Variants in NEO1 observed in about 807,000 individuals in gnomAD.
NEO1 encodes neogenin.
NEO1 carries 63 observed loss-of-function variants against 159.7 expected under a neutral mutation model. The ratio of observed to expected loss-of-function variants is 0.39; its 90% CI spans 0.32 to 0.49. The LOEUF is 0.49. Ranked by LOEUF, NEO1 falls within the 20% of genes least tolerant of loss-of-function variation. The pLI, the probability that NEO1 is intolerant of heterozygous loss-of-function variation, is 0.85. For missense variants in NEO1, 1,615 were observed against 1,831.0 expected (o/e 0.88, Z 2.15); for synonymous variants, 633 against 662.0 (o/e 0.96, Z 0.67).
At chr15:73,083,280 C>T (rs1395445425) in intron 1 of NEO1, among the ~76,000 whole-genome samples, 2 of 151,728 alleles carry the variant, frequency 1.3e-5, no homozygotes, top group African/African-American at 2.4e-5. Context: ...TGTAAATGGG[C>T]GTGATGAGAG....
chr15:73,287,572 CTAGT>C (rs1052976401), intron 23 of NEO1, among the ~76,000 whole-genome samples: 1 of 152,108 alleles, frequency 6.6e-6, no homozygotes, highest in African/African-American at 2.4e-5. Context: ...GTTGGTAGTC[CTAGT>C]TTGGCAGTCT....
At chr15:73,250,990 A>G (rs1048616359) in intron 11 of NEO1, among the ~76,000 whole-genome samples, 1 of 152,226 alleles carries the variant, frequency 6.6e-6, no homozygotes, top group Non-Finnish European at 1.5e-5. Context: ...TAGGAGATAC[A>G]TGGCGATATA....
chr15:73,092,573 G>C (rs2069754915), intron 1 of NEO1, among the ~76,000 whole-genome samples: 1 of 151,896 alleles, frequency 6.6e-6, no homozygotes, highest in Non-Finnish European at 1.5e-5. Context: ...TTCTGTACCT[G>C]GTCTTTTTCA....
At chr15:73,261,100 G>A (rs1411315836) in intron 15 of NEO1, among the ~76,000 whole-genome samples, 1 of 152,008 alleles carries the variant, frequency 6.6e-6, no homozygotes, top group Non-Finnish European at 1.5e-5. Flanking sequence ...ACTGGTTCCT[G>A]TGTCCATTTG....
chr15:73,235,238 A>G (rs1257117829), intron 7 of NEO1, among the ~76,000 whole-genome samples: 1 of 152,174 alleles, frequency 6.6e-6, no homozygotes, highest in Admixed American at 6.5e-5. Context: ...CACGGTTTTC[A>G]TGTTTTCCTC....
chr15:73,282,854 A>G (rs1189727116), intron 22 of NEO1, 110 bp from the exon 23 acceptor site: 2 of 1,288,594 alleles, frequency 1.6e-6, no homozygotes. Context: ...AAGTCAGAGC[A>G]ATGAGTGTTA....
chr15:73,257,132 CAAAAA>C (rs10623334), intron 13 of NEO1, among the ~76,000 whole-genome samples: 1,103 of 54,798 alleles, frequency 0.02, 53 homozygotes, highest in African/African-American at 0.062. Flanking sequence ...ACTCTGTCTC[CAAAAA>C]AAAAAAAAAA....
chr15:73,108,443 G>A (rs977500555), intron 1 of NEO1, among the ~76,000 whole-genome samples: 1 of 152,172 alleles, frequency 6.6e-6, no homozygotes, highest in Non-Finnish European at 1.5e-5. Context: ...CTTAGAAAAA[G>A]CAATGGAGAT....
At chr15:73,058,468 T>A (rs946028332) in intron 1 of NEO1, among the ~76,000 whole-genome samples, 1 of 152,196 alleles carries the variant, frequency 6.6e-6, no homozygotes, top group African/African-American at 2.4e-5. Context: ...TATTCTCCTG[T>A]TATGGATATG....
chr15:73,202,614 TCCC>T (rs1025446148), intron 7 of NEO1, among the ~76,000 whole-genome samples: 73 of 152,178 alleles, frequency 4.8e-4, no homozygotes, highest in African/African-American at 1.6e-3. Context: ...GCTAATATTT[TCCC>T]CCATTTTAAA....
intron 11 of NEO1, 29 bp downstream of exon 11, chr15:73,249,750 A>G (rs1483835526): frequency 4.4e-6 from 7 of 1,592,760 alleles, no homozygotes; most frequent in Non-Finnish European, 6.0e-6. Flanking sequence ...GGAACGATAT[A>G]CCACACTTGG....
intron 5 of NEO1, among the ~76,000 whole-genome samples, chr15:73,173,072 T>C (rs2035065960): frequency 6.6e-6 from 1 of 152,208 alleles, no homozygotes; most frequent in Admixed American, 6.5e-5. Context: ...TAAATTTTAT[T>C]TAACACAAGT....
intron 5 of NEO1, among the ~76,000 whole-genome samples, chr15:73,167,152 C>T (rs1369149416): frequency 6.7e-6 from 1 of 149,626 alleles, no homozygotes; most frequent in East Asian, 2.0e-4. Flanking sequence ...GGAGGGATAG[C>T]ATTAGGAGAT....
intron 1 of NEO1, among the ~76,000 whole-genome samples, chr15:73,069,142 T>TTC (rs1027429239): frequency 1.3e-5 from 2 of 150,670 alleles, no homozygotes; most frequent in Non-Finnish European, 3.0e-5. Flanking sequence ...TTTTTTTTTT[T>TTC]TGTAGAGACA....
At chr15:73,291,778 T>C (rs1368294962) in intron 25 of NEO1, among the ~76,000 whole-genome samples, 1 of 152,174 alleles carries the variant, frequency 6.6e-6, no homozygotes, top group African/African-American at 2.4e-5. Flanking sequence ...TTTTTTTTAT[T>C]TACTTACCTA....
At chr15:73,178,069 T>A (rs2035384684) in intron 6 of NEO1, among the ~76,000 whole-genome samples, 1 of 152,192 alleles carries the variant, frequency 6.6e-6, no homozygotes, top group South Asian at 2.1e-4. Flanking sequence ...AGAGTATGAC[T>A]TTCCATGCGT....
intron 1 of NEO1, among the ~76,000 whole-genome samples, chr15:73,069,929 C>G (rs2068453110): frequency 6.6e-6 from 1 of 152,082 alleles, no homozygotes; most frequent in Admixed American, 6.6e-5. Context: ...GGAAATAATG[C>G]TTTGGAAGTG....
chr15:73,275,324 G>T (rs2041357792), intron 21 of NEO1, among the ~76,000 whole-genome samples: 1 of 151,928 alleles, frequency 6.6e-6, no homozygotes, highest in Non-Finnish European at 1.5e-5. Context: ...AAATATATCT[G>T]ATCATATTAA....
At chr15:73,155,759 A>C (rs1412423114) in intron 5 of NEO1, among the ~76,000 whole-genome samples, 2 of 152,198 alleles carry the variant, frequency 1.3e-5, no homozygotes, top group Non-Finnish European at 2.9e-5. Context: ...TGAAGCTTTC[A>C]AATGTATTTT....
Sources: gnomAD v4.1 joint callset for allele counts (sites outside exome capture counted in the v4.1 genomes callset) on GRCh38, gnomAD v4.1.1 for gene constraint, MANE v1.5 for transcripts, NCBI Gene and HGNC (gene_info 2026-07-23, HGNC 2026-07-21) for gene names.